CCDC32: variants seen among roughly 807,000 people sequenced by gnomAD.
The protein encoded by CCDC32 is coiled-coil domain containing 32.
Under a neutral mutation model 20.1 loss-of-function variants are expected in CCDC32, and 9 were observed. The observed-to-expected ratio is 0.45, with a 90% CI of 0.27 to 0.78. CCDC32 has a LOEUF of 0.78. Among genes scored for constraint, CCDC32 ranks in the 30% least tolerant of loss-of-function variants. The pLI is 0.16. For synonymous variants in CCDC32, 63 were observed against 79.0 expected (o/e 0.80, Z 1.07); for missense variants, 204 against 215.5 (o/e 0.95, Z 0.33).
chr15:40,555,822 C>G (rs749809168), intron 3 of CCDC32, among the ~76,000 whole-genome samples: 1 of 152,152 alleles, frequency 6.6e-6, no homozygotes, highest in Non-Finnish European at 1.5e-5. Flanking sequence ...GTTGGAAACT[C>G]AAGTTAAATC....
At chr15:40,543,801 A>G (rs1438609583) in intron 3 of CCDC32, among the ~76,000 whole-genome samples, 1 of 152,084 alleles carries the variant, frequency 6.6e-6, no homozygotes, top group African/African-American at 2.4e-5. Context: ...CTTTAGGGGT[A>G]GGTTTGCATA....
At chr15:40,547,496 C>G (rs1180264547) in intron 3 of CCDC32, among the ~76,000 whole-genome samples, 2 of 152,182 alleles carry the variant, frequency 1.3e-5, no homozygotes, top group Non-Finnish European at 2.9e-5. Flanking sequence ...AGCCAAAGTT[C>G]TTGCCCTCCC....
downstream of CCDC32, chr15:40,535,173 C>T: frequency 1.7e-6 from 2 of 1,195,804 alleles, no homozygotes; most frequent in East Asian, 2.6e-5. Context: ...GTGACGGTGG[C>T]ATATAAGATG....
chr15:40,545,633 T>C (rs1368651481), intron 3 of CCDC32, among the ~76,000 whole-genome samples: 1 of 152,100 alleles, frequency 6.6e-6, no homozygotes, highest in Non-Finnish European at 1.5e-5. Flanking sequence ...AAAGGCCCAC[T>C]ACTGTTCCAC....
downstream of CCDC32, among the ~76,000 whole-genome samples, chr15:40,524,969 T>C (rs1341380167): frequency 6.6e-6 from 1 of 151,184 alleles, no homozygotes; most frequent in Non-Finnish European, 1.5e-5. Flanking sequence ...GCTCAAGCAT[T>C]CCCCTCACTC....
chr15:40,529,883 G>A (rs536434481), intron 3 of CCDC32, among the ~76,000 whole-genome samples: 7 of 151,146 alleles, frequency 4.6e-5, no homozygotes, highest in Non-Finnish European at 7.4e-5. Context: ...GGATGGTCTC[G>A]ATCTCCTGAC....
At chr15:40,521,511 A>G in the CCDC32 span, among the ~76,000 whole-genome samples, 5 of 152,186 alleles carry the variant, frequency 3.3e-5, no homozygotes, top group African/African-American at 9.7e-5. Flanking sequence ...GAATATTCAT[A>G]TACACGTTTT....
chr15:40,558,225 C>G (rs1200868003), intron 2 of CCDC32, among the ~76,000 whole-genome samples: 2 of 152,080 alleles, frequency 1.3e-5, no homozygotes, highest in African/African-American at 4.8e-5. Flanking sequence ...AAGCTTAGAA[C>G]CAATAGAAAC....
downstream of CCDC32, chr15:40,538,740 C>T (rs1185941607): frequency 1.3e-5 from 2 of 152,532 alleles, no homozygotes; most frequent in Non-Finnish European, 2.9e-5. Context: ...TTTCTTTGAA[C>T]TTTTCCATTT....
rs1481986488 is a variant in CCDC32 at position 40,562,960 on chromosome 15, C to T, written c.56G>A (p.Trp19Ter). ...TGGCAGACAGGAACAAATTTCAGCC[C>T]AGAGATCCTGGCCAGATCTTGTGGC... ...STATRSGQDL[W>*]AEICSCLPNP... Residue 19 changes from tryptophan (W) to a stop codon, truncating the protein, a stop_gained, in exon 2 of 4, where the codon TGG becomes TAG. Transcript: ENST00000416810. LOFTEE classifies it high-confidence loss of function. The T allele has an allele frequency of 1.2e-6, 2 of 1,614,186 alleles. No individual in the cohort carries two copies. The highest frequency in any genetic ancestry group is 1.7e-5 in the Admixed American group (1 of 60,030).
the CCDC32 span, among the ~76,000 whole-genome samples, chr15:40,521,057 C>T: frequency 1.8e-3 from 274 of 152,252 alleles, 1 homozygote; most frequent in Non-Finnish European, 2.9e-3. Context: ...AGATCTTCAT[C>T]CTTGTCATCT....
intron 3 of CCDC32, among the ~76,000 whole-genome samples, chr15:40,546,350 C>A (rs112142927): frequency 6.6e-6 from 1 of 151,886 alleles, no homozygotes; most frequent in Non-Finnish European, 1.5e-5. Context: ...AGCCACCATG[C>A]CTGGCTAATT....
At chr15:40,559,794 G>T (rs973252638) in intron 2 of CCDC32, among the ~76,000 whole-genome samples, 2 of 152,084 alleles carry the variant, frequency 1.3e-5, no homozygotes, top group Non-Finnish European at 2.9e-5. Flanking sequence ...TCCCAGGTTT[G>T]TAGCTGATCT....
chr15:40,562,566 G>A (rs2141658542), intron 2 of CCDC32, among the ~76,000 whole-genome samples: 1 of 152,142 alleles, frequency 6.6e-6, no homozygotes, highest in African/African-American at 2.4e-5. Context: ...GGCAACAAGA[G>A]TGAAAGTCTC....
chr15:40,541,792 C>T (rs1324869511), intron 3 of CCDC32, among the ~76,000 whole-genome samples: 4 of 152,324 alleles, frequency 2.6e-5, no homozygotes, highest in South Asian at 2.1e-4. Context: ...TCAAGGTACA[C>T]GTTCAGAGAA....
intron 3 of CCDC32, among the ~76,000 whole-genome samples, chr15:40,540,429 G>A (rs1009487250): frequency 2.0e-5 from 3 of 149,434 alleles, no homozygotes; most frequent in Non-Finnish European, 3.0e-5. Context: ...GAGCAATGGC[G>A]TGATATCGGC....
At position 40,553,982 on chromosome 15, in the gene CCDC32, C is replaced by A. The variant is rs144400630; in HGVS notation, c.547G>T (p.Ala183Ser). ...TGTGTGTGTGTAATTTACTGTTCTG[C>A]TGCTGCTGGCTTGTCCCCGGCTGCT... ...EPAAGDKPAA[A>S]EQ Residue 183 changes from alanine to serine, a missense_variant, in exon 4 of 4, where the codon GCA (alanine) becomes TCA (serine). Transcript: ENST00000416810. 6.2e-7 allele frequency: 1 copy of A among 1,602,778 alleles called. No individual in the cohort carries two copies. The highest frequency in any genetic ancestry group is 1.4e-5 in the African/African-American group (1 of 73,452).
exon 4 of CCDC32, chr15:40,539,280 C>T: frequency 6.5e-7 from 1 of 1,535,638 alleles, no homozygotes; most frequent in South Asian, 1.2e-5. Flanking sequence ...GCCACCTCTG[C>T]TCAGCACACT....
chr15:40,539,137 G>C, downstream of CCDC32: 1 of 954,566 alleles, frequency 1.0e-6, no homozygotes, highest in Non-Finnish European at 1.6e-6. Flanking sequence ...GAGGGAAGTA[G>C]TTGTTGCTGT....
Sources: allele counts gnomAD v4.1 joint callset (sites outside exome capture counted in the v4.1 genomes callset), GRCh38; gene constraint gnomAD v4.1.1; transcripts MANE v1.5; gene names NCBI Gene and HGNC (gene_info 2026-07-23, HGNC 2026-07-21).